Variants in NEGR1 observed in about 807,000 individuals in gnomAD.
NEGR1 encodes the protein neuronal growth regulator 1.
In NEGR1, 10 loss-of-function variants were observed where a neutral mutation model predicts 40.9. The ratio of observed to expected loss-of-function variants is 0.24; its 90% CI spans 0.15 to 0.42. NEGR1 has a LOEUF of 0.42. Ranked by LOEUF, NEGR1 falls within the 10% of genes least tolerant of loss-of-function variation. The pLI is 1.00. For synonymous variants in NEGR1, 185 were observed against 166.8 expected (o/e 1.11, Z -0.84); for missense variants, 352 against 438.9 (o/e 0.80, Z 1.77).
chr1:71,411,451 T>C (rs1646320548), intron 6 of NEGR1, among the ~76,000 whole-genome samples: 1 of 152,162 alleles, frequency 6.6e-6, no homozygotes, highest in Non-Finnish European at 1.5e-5. Context: ...AGAAGATATC[T>C]AGTTGAGCCT....
chr1:72,113,855 TTG>T (rs1208367818), intron 1 of NEGR1, among the ~76,000 whole-genome samples: 2 of 151,762 alleles, frequency 1.3e-5, no homozygotes, highest in Non-Finnish European at 2.9e-5. Context: ...AATTTAACTC[TTG>T]TGTGTGACGT....
chr1:71,643,790 C>T (rs1651435843), intron 4 of NEGR1, among the ~76,000 whole-genome samples: 1 of 151,804 alleles, frequency 6.6e-6, no homozygotes, highest in African/African-American at 2.4e-5. Flanking sequence ...AAATAGAATG[C>T]CTTCAAGACT....
At chr1:71,623,629 C>T (rs1650677773) in intron 4 of NEGR1, among the ~76,000 whole-genome samples, 1 of 151,808 alleles carries the variant, frequency 6.6e-6, no homozygotes, top group Non-Finnish European at 1.5e-5. Context: ...TCAGAACATG[C>T]ACAATAAGTA....
chr1:71,884,883 T>C lies in NEGR1; in HGVS notation c.409+50196A>G, dbSNP rs369534139. Among the ~76,000 whole-genome samples, 15 of 152,328 alleles carry C rather than the reference T, an allele frequency of 9.8e-5. No individual in the cohort carries two copies. The East Asian group carries it at 2.9e-3, about 29-fold the overall frequency. On this transcript the variant is annotated intron_variant, in intron 2 of 6. Coordinates refer to ENST00000357731, the MANE Select transcript of NEGR1 (RefSeq NM_173808.3). ...ATTTCTTCTTGTAAACACCTTTCTCTATATATTTTTTCTAGGTGTATGAAA... is the reference window on the plus strand; with the variant it reads ...ATTTCTTCTTGTAAACACCTTTCTCCATATATTTTTTCTAGGTGTATGAAA...
intron 6 of NEGR1, among the ~76,000 whole-genome samples, chr1:71,551,098 A>G (rs1648061371): frequency 6.6e-6 from 1 of 151,606 alleles, no homozygotes. Flanking sequence ...TGCATATTCC[A>G]TCGGGATTGC....
chr1:71,759,287 C>CTTTTTTTTTTTT lies in NEGR1; in HGVS notation c.535+16873_535+16884dup, dbSNP rs759687500. ...AAGGTTGCATTTTCCAAGATTATAA[C>CTTTTTTTTTTTT]TTTTTTTTTTTTTTTTTTTTTTTTT... On this transcript the variant is annotated intron_variant, in intron 3 of 6. Coordinates refer to ENST00000357731, the MANE Select transcript of NEGR1 (RefSeq NM_173808.3). 4.7e-5 allele frequency among the ~76,000 whole-genome samples: 4 copies of CTTTTTTTTTTTT among 85,212 alleles called. 1 individual carries two copies. The highest frequency in any genetic ancestry group is 8.7e-4 in the East Asian group (2 of 2,288). The allele number at this position is 85,212 out of a possible 152,430, so 55.9% of individuals were successfully genotyped here.
chr1:71,559,516 CT>C (rs1362664123), intron 6 of NEGR1, among the ~76,000 whole-genome samples: 1 of 151,506 alleles, frequency 6.6e-6, no homozygotes, highest in African/African-American at 2.4e-5. Context: ...ATAACGTTCT[CT>C]TTTTGTGATG....
intron 1 of NEGR1, among the ~76,000 whole-genome samples, chr1:72,035,070 C>A (rs944739522): frequency 3.9e-5 from 6 of 152,048 alleles, no homozygotes; most frequent in East Asian, 1.9e-4. Flanking sequence ...TAATAAAAGA[C>A]TAGGGTGGGA....
chr1:71,572,268 C>A (rs1648832611), intron 6 of NEGR1, among the ~76,000 whole-genome samples: 1 of 152,126 alleles, frequency 6.6e-6, no homozygotes, highest in Non-Finnish European at 1.5e-5. Flanking sequence ...TAAACAAAGG[C>A]AGAAAGCAGG....
At chr1:71,810,582 A>G (rs1400508937) in intron 2 of NEGR1, among the ~76,000 whole-genome samples, 1 of 152,116 alleles carries the variant, frequency 6.6e-6, no homozygotes, top group Non-Finnish European at 1.5e-5. Flanking sequence ...TTGGATTCCT[A>G]TCTCCGCTCA....
intron 4 of NEGR1, among the ~76,000 whole-genome samples, chr1:71,627,450 C>T (rs1285024711): frequency 6.6e-6 from 1 of 151,994 alleles, no homozygotes; most frequent in Non-Finnish European, 1.5e-5. Flanking sequence ...TATATTTTGA[C>T]TCAGAAAGAA....
At chr1:71,581,821 G>C (rs560684984) in intron 6 of NEGR1, among the ~76,000 whole-genome samples, 9 of 151,860 alleles carry the variant, frequency 5.9e-5, no homozygotes, top group Non-Finnish European at 1.3e-4. Context: ...TCCCACCTCA[G>C]CATTCCAAGT....
chr1:72,206,357 T>C (rs1162124383), intron 1 of NEGR1, among the ~76,000 whole-genome samples: 2 of 152,116 alleles, frequency 1.3e-5, no homozygotes, highest in Non-Finnish European at 2.9e-5. Flanking sequence ...ATACCTGAAC[T>C]AATAGCAAAC....
At chr1:72,119,249 T>C (rs570581473) in intron 1 of NEGR1, among the ~76,000 whole-genome samples, 2 of 152,016 alleles carry the variant, frequency 1.3e-5, no homozygotes, top group East Asian at 1.9e-4. Flanking sequence ...ATGCTAATAG[T>C]TGATGATAAG....
chr1:71,965,080 G>A (rs78885645), intron 1 of NEGR1, among the ~76,000 whole-genome samples: 3,498 of 152,180 alleles, frequency 0.023, 124 homozygotes, highest in African/African-American at 0.079. Context: ...AGCATTCTGG[G>A]AAATATTTTC....
At chr1:71,651,282 T>C (rs1177480050) in intron 4 of NEGR1, among the ~76,000 whole-genome samples, 1 of 152,116 alleles carries the variant, frequency 6.6e-6, no homozygotes, top group Non-Finnish European at 1.5e-5. Context: ...ACACTTGCAT[T>C]GATGGGGGGA....
At chr1:71,894,508 T>C (rs1464718704) in intron 2 of NEGR1, among the ~76,000 whole-genome samples, 1 of 152,124 alleles carries the variant, frequency 6.6e-6, no homozygotes, top group South Asian at 2.1e-4. Context: ...AAAACAACAC[T>C]GAGATACATG....
At chr1:71,754,272 C>T (rs965275645) in intron 3 of NEGR1, among the ~76,000 whole-genome samples, 16 of 152,096 alleles carry the variant, frequency 1.1e-4, no homozygotes, top group Admixed American at 7.9e-4. Context: ...ACCTCTACAT[C>T]GTGGGTTTAC....
At chr1:71,662,425 T>C (rs934292235) in intron 4 of NEGR1, among the ~76,000 whole-genome samples, 2 of 152,192 alleles carry the variant, frequency 1.3e-5, no homozygotes, top group Non-Finnish European at 2.9e-5. Context: ...GCTCCTCCCT[T>C]TGTTGTAAAC....
Sources: allele counts gnomAD v4.1 joint callset (sites outside exome capture counted in the v4.1 genomes callset), GRCh38; gene constraint gnomAD v4.1.1; transcripts MANE v1.5; gene names NCBI Gene and HGNC (gene_info 2026-07-23, HGNC 2026-07-21).